SNCAIP: variants seen among roughly 807,000 people sequenced by gnomAD.
SNCAIP encodes synphilin-1.
Under a neutral mutation model 86.7 loss-of-function variants are expected in SNCAIP, and 43 were observed. The ratio of observed to expected loss-of-function variants is 0.50; its 90% confidence interval spans 0.39 to 0.64. The LOEUF (loss-of-function observed/expected upper bound fraction) is 0.64, where lower values mean the gene tolerates loss of function less well. Among genes scored for constraint, SNCAIP ranks in the 30% least tolerant of loss-of-function variants. The pLI, the probability that SNCAIP is intolerant of heterozygous loss-of-function variation, is 0.00. For synonymous variants in SNCAIP, 417 were observed against 427.2 expected (o/e 0.98, Z 0.29); for missense variants, 981 against 1,103.1 (o/e 0.89, Z 1.57).
intron 5 of SNCAIP, among the ~76,000 whole-genome samples, chr5:122,428,404 C>A (rs1487901096): frequency 6.6e-6 from 1 of 152,050 alleles, no homozygotes; most frequent in Admixed American, 6.6e-5. Flanking sequence ...TTCCTTCTGC[C>A]TTTCTAACAG....
intron 1 of SNCAIP, among the ~76,000 whole-genome samples, chr5:122,376,950 T>G (rs1765448028): frequency 6.6e-6 from 1 of 152,156 alleles, no homozygotes; most frequent in Non-Finnish European, 1.5e-5. Flanking sequence ...ATTCTGATCT[T>G]CTTCTCTCAG....
chr5:122,381,985 C>A (rs1252979189), intron 1 of SNCAIP, among the ~76,000 whole-genome samples: 1 of 152,094 alleles, frequency 6.6e-6, no homozygotes, highest in South Asian at 2.1e-4. Context: ...TTTTTTCCTT[C>A]ATTTCAACCT....
At chr5:122,414,199 G>A (rs999495284) in intron 3 of SNCAIP, among the ~76,000 whole-genome samples, 3 of 151,622 alleles carry the variant, frequency 2.0e-5, no homozygotes, top group Admixed American at 6.6e-5. Context: ...CTGAGCCAGT[G>A]CGCCCAGCCA....
chr5:122,382,481 G>T (rs1701108186), intron 1 of SNCAIP, among the ~76,000 whole-genome samples: 1 of 152,088 alleles, frequency 6.6e-6, no homozygotes, highest in Non-Finnish European at 1.5e-5. Flanking sequence ...CTTTGCCTTT[G>T]GTTTGAATGT....
chr5:122,421,600 A>C (rs985275268), intron 3 of SNCAIP, among the ~76,000 whole-genome samples: 1 of 152,114 alleles, frequency 6.6e-6, no homozygotes, highest in Non-Finnish European at 1.5e-5. Flanking sequence ...ACACATACAC[A>C]TGCTTCCCAC....
chr5:122,375,117 T>C (rs1580787288), intron 1 of SNCAIP, among the ~76,000 whole-genome samples: 1 of 152,286 alleles, frequency 6.6e-6, no homozygotes, highest in East Asian at 1.9e-4. Flanking sequence ...TGTTCAGACA[T>C]TTAACTCACT....
At chr5:122,417,424 G>A (rs146103563) in intron 3 of SNCAIP, among the ~76,000 whole-genome samples, 51 of 152,226 alleles carry the variant, frequency 3.4e-4, no homozygotes, top group African/African-American at 7.9e-4. Flanking sequence ...AGTCTAACCC[G>A]TTCATTTTAC....
intron 3 of SNCAIP, among the ~76,000 whole-genome samples, chr5:122,413,869 A>T (rs1774677792): frequency 6.6e-6 from 1 of 152,184 alleles, no homozygotes; most frequent in Non-Finnish European, 1.5e-5. Flanking sequence ...AGAGGAAGAA[A>T]ACCCTTCCAC....
chr5:122,411,807 A>G (rs996196252), intron 3 of SNCAIP, among the ~76,000 whole-genome samples: 1 of 152,118 alleles, frequency 6.6e-6, no homozygotes, highest in Non-Finnish European at 1.5e-5. Flanking sequence ...CTCAATCCCC[A>G]GGGTATTCGT....
At chr5:122,397,600 A>G (rs1218508823) in intron 2 of SNCAIP, among the ~76,000 whole-genome samples, 1 of 152,184 alleles carries the variant, frequency 6.6e-6, no homozygotes, top group Non-Finnish European at 1.5e-5. Flanking sequence ...AGTTATAATA[A>G]TTTTCATTAA....
chr5:122,324,212 C>T (rs1467910155), intron 1 of SNCAIP, among the ~76,000 whole-genome samples: 1 of 152,102 alleles, frequency 6.6e-6, no homozygotes, highest in African/African-American at 2.4e-5. Flanking sequence ...ACTTAATTGT[C>T]TCAAGGAACA....
At chr5:122,379,941 C>T (rs1334563623) in intron 1 of SNCAIP, among the ~76,000 whole-genome samples, 2 of 152,054 alleles carry the variant, frequency 1.3e-5, no homozygotes, top group Admixed American at 1.3e-4. Flanking sequence ...ATTCGGTTTG[C>T]CAGTATTTTA....
intron 1 of SNCAIP, 167 bp downstream of exon 1, chr5:122,312,451 C>G (rs1750783706): frequency 6.6e-6 from 1 of 152,198 alleles, no homozygotes; most frequent in Non-Finnish European, 1.5e-5. Context: ...GCAGCAGAGG[C>G]GCCTCTGCAG....
chr5:122,423,805 C>T (rs1581162041), intron 4 of SNCAIP, 66 bp downstream of exon 4: 6 of 1,368,168 alleles, frequency 4.4e-6, no homozygotes, highest in African/African-American at 2.9e-5. Flanking sequence ...AAACTGCATT[C>T]GTTAGTAACA....
intron 3 of SNCAIP, among the ~76,000 whole-genome samples, chr5:122,413,600 A>G (rs548939675): frequency 6.6e-6 from 1 of 152,262 alleles, no homozygotes; most frequent in East Asian, 1.9e-4. Flanking sequence ...CTGCACCCCT[A>G]GTGACATGTG....
At chr5:122,346,059 A>G (rs778626402) in intron 1 of SNCAIP, among the ~76,000 whole-genome samples, 4 of 152,178 alleles carry the variant, frequency 2.6e-5, no homozygotes, top group African/African-American at 7.2e-5. Context: ...TGGAAATTCT[A>G]TCTGGTAGAA....
intron 1 of SNCAIP, among the ~76,000 whole-genome samples, chr5:122,390,793 T>C (rs999453637): frequency 1.3e-5 from 2 of 152,128 alleles, no homozygotes; most frequent in Admixed American, 1.3e-4. Context: ...CTAATATTGA[T>C]TCTAGGGGGA....
intron 6 of SNCAIP, among the ~76,000 whole-genome samples, chr5:122,432,603 TAAAAG>T (rs1778628552): frequency 2.0e-5 from 3 of 152,272 alleles, no homozygotes; most frequent in African/African-American, 7.2e-5. Flanking sequence ...AACCCAAAGT[TAAAAG>T]GAAAATCTTT....
At chr5:122,323,919 T>C (rs1753499629) in intron 1 of SNCAIP, among the ~76,000 whole-genome samples, 1 of 152,210 alleles carries the variant, frequency 6.6e-6, no homozygotes, top group Non-Finnish European at 1.5e-5. Context: ...TGACACATCG[T>C]ACAACCGTTT....
Sources: allele counts gnomAD v4.1 joint callset (sites outside exome capture counted in the v4.1 genomes callset), GRCh38; gene constraint gnomAD v4.1.1; transcripts MANE v1.5; gene names NCBI Gene and HGNC (gene_info 2026-07-23, HGNC 2026-07-21).